The following FLVCR2 variants were observed in gnomAD, a reference collection of about 807,000 sequenced individuals.
FLVCR2 encodes choline/ethanolamine transporter FLVCR2.
A neutral mutation model predicts 48.9 loss-of-function variants in FLVCR2; 38 were observed. The observed-to-expected ratio is 0.78, with a 90% CI of 0.60 to 1.02. The LOEUF (loss-of-function observed/expected upper bound fraction) is 1.02, where lower values mean the gene tolerates loss of function less well. FLVCR2 is among the 50% of genes least tolerant of loss of function. The pLI is 0.00. For synonymous variants in FLVCR2, 255 were observed against 257.0 expected, an observed-to-expected ratio of 0.99 and a Z score of 0.07; for missense variants, 664 against 663.3, an observed-to-expected ratio of 1.00 and a Z score of -0.01.
chr14:75,602,332 G>T (rs1398372784), intron 1 of FLVCR2, among the ~76,000 whole-genome samples: 1 of 152,134 alleles, frequency 6.6e-6, no homozygotes, highest in Non-Finnish European at 1.5e-5. Flanking sequence ...GGCTACCTAG[G>T]AGCGCTACCT....
intron 2 of FLVCR2, among the ~76,000 whole-genome samples, chr14:75,624,364 A>AG (rs1023619556): frequency 1.3e-5 from 2 of 151,982 alleles, no homozygotes; most frequent in Non-Finnish European, 2.9e-5. Flanking sequence ...AAAAAAATAA[A>AG]GAAAAAAAAA....
At chr14:75,618,637 A>G (rs1889675850) in intron 1 of FLVCR2, among the ~76,000 whole-genome samples, 1 of 152,206 alleles carries the variant, frequency 6.6e-6, no homozygotes, top group South Asian at 2.1e-4. Context: ...CCGTTCTCCC[A>G]CATTTTAAAT....
intron 3 of FLVCR2, among the ~76,000 whole-genome samples, 186 bp from the exon 4 acceptor site, chr14:75,633,443 A>C (rs1174353195): frequency 6.6e-6 from 1 of 152,138 alleles, no homozygotes; most frequent in Non-Finnish European, 1.5e-5. Flanking sequence ...GGTTGTTTTG[A>C]AGTATTTCTT....
intron 1 of FLVCR2, among the ~76,000 whole-genome samples, chr14:75,621,149 G>T (rs1301716064): frequency 6.6e-6 from 1 of 152,156 alleles, no homozygotes; most frequent in Non-Finnish European, 1.5e-5. Context: ...CTCCAACCCA[G>T]ATAAGAAATG....
intron 1 of FLVCR2, among the ~76,000 whole-genome samples, chr14:75,592,787 G>A (rs775843162): frequency 1.3e-5 from 2 of 151,850 alleles, no homozygotes; most frequent in Non-Finnish European, 2.9e-5. Context: ...TCAGGAGTTC[G>A]AGACTAGCCT....
At chr14:75,597,045 G>T (rs1285061071) in intron 1 of FLVCR2, among the ~76,000 whole-genome samples, 1 of 152,146 alleles carries the variant, frequency 6.6e-6, no homozygotes, top group Non-Finnish European at 1.5e-5. Context: ...ACTTTGGGAG[G>T]CTGAGGCAGG....
At chr14:75,642,243 T>G (rs978452552) in intron 9 of FLVCR2, among the ~76,000 whole-genome samples, 1 of 152,200 alleles carries the variant, frequency 6.6e-6, no homozygotes, top group Non-Finnish European at 1.5e-5. Context: ...TCCACTGTTT[T>G]CAGCCTGGGG....
intron 3 of FLVCR2, 135 bp downstream of exon 3, chr14:75,624,887 C>T (rs915049127): frequency 2.0e-6 from 2 of 1,011,600 alleles, no homozygotes; most frequent in Admixed American, 1.9e-5. Context: ...ATCCAGAGGA[C>T]CCAGCTATGC....
intron 1 of FLVCR2, among the ~76,000 whole-genome samples, chr14:75,607,218 C>T (rs997416215): frequency 2.0e-5 from 3 of 152,234 alleles, no homozygotes; most frequent in Admixed American, 6.5e-5. Flanking sequence ...CTAAATGAGG[C>T]AATGTCTATG....
At chr14:75,640,258 CAAAAAAAAAAA>C (rs11453901) in intron 6 of FLVCR2, among the ~76,000 whole-genome samples, 1 of 97,630 alleles carries the variant, frequency 1.0e-5, no homozygotes, top group East Asian at 3.6e-4. Flanking sequence ...GACTCCGTCT[CAAAAAAAAAAA>C]AAAAAAAAGG....
At chr14:75,630,004 G>T (rs1250226894) in intron 3 of FLVCR2, among the ~76,000 whole-genome samples, 2 of 152,176 alleles carry the variant, frequency 1.3e-5, no homozygotes, top group African/African-American at 2.4e-5. Flanking sequence ...CCAGATTCCT[G>T]GGAGCTTTGC....
chr14:75,582,535 G>A (rs1009202338), intron 1 of FLVCR2, among the ~76,000 whole-genome samples: 19 of 152,174 alleles, frequency 1.2e-4, no homozygotes, highest in African/African-American at 3.9e-4. Context: ...GGGCAGTGGC[G>A]GCTGCCACAC....
Position 75,579,508 on chromosome 14 carries a change from T to C in FLVCR2, c.536T>C (p.Val179Ala). 6.2e-7 allele frequency: 1 copy of C among 1,612,870 alleles called. No homozygotes were observed. The change falls in exon 1 of 10, where the codon GTC (valine) becomes GCC (alanine). Residue 179 changes from valine to alanine, a missense_variant. By Grantham distance (64) the Val-to-Ala change is moderately conservative. Transcript: ENST00000238667. ...LGSLKPHLFPVTVVGQLICSV... is the reference protein window; with the variant it reads ...LGSLKPHLFPATVVGQLICSV... Reference sequence around the variant, plus strand: ...AGCCTGAAGCCGCATCTCTTTCCGGTCACCGTGGTGGGCCAGCTCATCTGC... The same window carrying C: ...AGCCTGAAGCCGCATCTCTTTCCGGCCACCGTGGTGGGCCAGCTCATCTGC...
intron 5 of FLVCR2, among the ~76,000 whole-genome samples, chr14:75,636,791 T>C (rs1028975894): frequency 6.6e-6 from 1 of 152,036 alleles, no homozygotes; most frequent in Non-Finnish European, 1.5e-5. Flanking sequence ...CTAGTTTTGT[T>C]TGGAGGTTGG....
chr14:75,581,245 CAG>C (rs1185137519), intron 1 of FLVCR2, among the ~76,000 whole-genome samples: 2 of 152,130 alleles, frequency 1.3e-5, no homozygotes, highest in Non-Finnish European at 2.9e-5. Context: ...AGGAGAAAAA[CAG>C]GTATTAAAGG....
intron 1 of FLVCR2, among the ~76,000 whole-genome samples, chr14:75,601,267 C>A (rs575650445): frequency 7.7e-4 from 118 of 152,382 alleles, no homozygotes; most frequent in African/African-American, 2.6e-3. Flanking sequence ...CGGTTTTCCG[C>A]CTTGGGCGGG....
At chr14:75,605,855 T>C in intron 1 of FLVCR2, 1 of 540,100 alleles carries the variant, frequency 1.9e-6, no homozygotes, top group Non-Finnish European at 3.3e-6. Context: ...TTTCTCCTTT[T>C]TTTCTTCTCT....
At position 75,624,611 on chromosome 14, in the gene FLVCR2, G is replaced by A; in HGVS notation, c.812-1G>A. 6.2e-7 allele frequency: 1 copy of A among 1,613,960 alleles called. No individual in the cohort carries two copies. Among genetic ancestry groups the A allele is most frequent in the Non-Finnish European group, 8.5e-7 (1 of 1,179,960 alleles). ...AGCCATCTCTGTTTTTTTCCTTTCA[G>A]TGTTCAAGGAGAAACCTAAATATCC... On this transcript the variant is annotated splice_acceptor_variant, in intron 2 of 9. Transcript: ENST00000238667. LOFTEE classifies it high-confidence loss of function.
At chr14:75,581,145 A>G (rs1187828444) in intron 1 of FLVCR2, among the ~76,000 whole-genome samples, 1 of 152,134 alleles carries the variant, frequency 6.6e-6, no homozygotes, top group African/African-American at 2.4e-5. Context: ...TAGAAGAAAC[A>G]TTGGTCGTAT....
Sources: allele counts gnomAD v4.1 joint callset (sites outside exome capture counted in the v4.1 genomes callset), GRCh38; gene constraint gnomAD v4.1.1; transcripts MANE v1.5; gene names NCBI Gene and HGNC (gene_info 2026-07-23, HGNC 2026-07-21).